The following THSD4 variants were observed in gnomAD, a reference collection of about 807,000 sequenced individuals.
THSD4 encodes the protein thrombospondin type 1 domain containing 4.
Under a neutral mutation model 119.0 loss-of-function variants are expected in THSD4, and 69 were observed. That is an observed-to-expected ratio of 0.58 (90% CI 0.48 to 0.71). THSD4 has a LOEUF of 0.71. THSD4 is among the 30% of genes least tolerant of loss of function. The probability of loss-of-function intolerance (pLI) is 0.00; values close to 1 mark genes in which losing one functional copy is unlikely to be tolerated. For synonymous variants in THSD4, 524 were observed against 540.4 expected, an observed-to-expected ratio of 0.97 and a Z score of 0.42; for missense variants, 1,393 against 1,391.1, an observed-to-expected ratio of 1.00 and a Z score of -0.02.
chr15:71,216,608 A>G lies in THSD4; in HGVS notation c.464+1209A>G, dbSNP rs12324596. 5.1e-3 allele frequency among the ~76,000 whole-genome samples: 771 copies of G among 152,340 alleles called. 7 individuals are homozygous for G. Among genetic ancestry groups the G allele is most frequent in the African/African-American group, 0.018 (738 of 41,582 alleles). On this transcript the variant is annotated intron_variant, in intron 4 of 17. Coordinates refer to ENST00000261862, the MANE Select transcript of THSD4 (RefSeq NM_024817.3). ...TTTGAGTAGACAGAAGAGAGGAGTG[A>G]AGAACAGTGAGTTCCAAGACTGAGC... is the stretch of plus-strand genomic sequence containing the variant.
intron 7 of THSD4, among the ~76,000 whole-genome samples, chr15:71,553,848 G>A (rs550969142): frequency 1.2e-4 from 18 of 152,160 alleles, no homozygotes; most frequent in African/African-American, 4.1e-4. Context: ...ATGTCGGACT[G>A]TCTTTGCATT....
intron 4 of THSD4, among the ~76,000 whole-genome samples, chr15:71,241,673 G>A (rs2044154302): frequency 6.6e-6 from 1 of 152,168 alleles, no homozygotes; most frequent in Non-Finnish European, 1.5e-5. Context: ...CATGATGGAA[G>A]TATTTACACC....
At chr15:71,302,274 G>C (rs2044961317) in intron 6 of THSD4, among the ~76,000 whole-genome samples, 1 of 152,112 alleles carries the variant, frequency 6.6e-6, no homozygotes, top group Admixed American at 6.5e-5. Flanking sequence ...GGTAGGGGTA[G>C]GCAGAGCAAG....
chr15:71,435,254 A>G (rs1240358889), intron 7 of THSD4, among the ~76,000 whole-genome samples: 1 of 152,226 alleles, frequency 6.6e-6, no homozygotes, highest in Non-Finnish European at 1.5e-5. Context: ...GAGAAAGTTC[A>G]GAATCCTAGT....
intron 7 of THSD4, among the ~76,000 whole-genome samples, chr15:71,598,312 G>A (rs2049943406): frequency 6.6e-6 from 1 of 152,196 alleles, no homozygotes; most frequent in Admixed American, 6.5e-5. Flanking sequence ...TTTGACTAGA[G>A]TGGCGACATC....
At chr15:71,157,040 A>G (rs1184752337) in intron 3 of THSD4, among the ~76,000 whole-genome samples, 5 of 152,172 alleles carry the variant, frequency 3.3e-5, no homozygotes, top group African/African-American at 9.7e-5. Context: ...TATATTATTT[A>G]TTAATGTTTA....
intron 10 of THSD4, among the ~76,000 whole-genome samples, chr15:71,734,826 T>TA (rs779818860): frequency 0.013 from 1,814 of 138,662 alleles, 17 homozygotes; most frequent in Non-Finnish European, 0.016. Context: ...AAAAGCCTAT[T>TA]AAAAAAAAAA....
At chr15:71,737,333 C>A (rs2053133572) in intron 10 of THSD4, among the ~76,000 whole-genome samples, 1 of 152,170 alleles carries the variant, frequency 6.6e-6, no homozygotes, top group South Asian at 2.1e-4. Flanking sequence ...TTTTCCTGCA[C>A]CTTCAAAAGG....
chr15:71,267,230 A>T (rs907020544), intron 6 of THSD4, among the ~76,000 whole-genome samples: 1 of 152,240 alleles, frequency 6.6e-6, no homozygotes, highest in African/African-American at 2.4e-5. Flanking sequence ...GGTTACCCAC[A>T]AAGGGAAGCC....
At chr15:71,338,433 G>A (rs189875143) in intron 6 of THSD4, among the ~76,000 whole-genome samples, 3 of 152,210 alleles carry the variant, frequency 2.0e-5, no homozygotes, top group African/African-American at 4.8e-5. Flanking sequence ...TCATACTCGC[G>A]CGTGGATCCT....
intron 5 of THSD4, among the ~76,000 whole-genome samples, chr15:71,244,771 C>G (rs758194823): frequency 2.6e-5 from 4 of 152,146 alleles, no homozygotes; most frequent in Non-Finnish European, 4.4e-5. Flanking sequence ...GTCAGACATG[C>G]CCTTGTTCCT....
At chr15:71,223,269 C>T (rs949247203) in intron 4 of THSD4, among the ~76,000 whole-genome samples, 2 of 152,184 alleles carry the variant, frequency 1.3e-5, no homozygotes, top group African/African-American at 4.8e-5. Flanking sequence ...ACATCATGCT[C>T]CTTTCAGACC....
chr15:71,728,468 A>C, intron 8 of THSD4, 81 bp from the exon 9 acceptor site: 1 of 1,525,454 alleles, frequency 6.6e-7, no homozygotes. Flanking sequence ...TGAATGAAGA[A>C]GCCAGAAACT....
chr15:71,640,045 C>A (rs1431206962), intron 7 of THSD4, among the ~76,000 whole-genome samples: 3 of 151,966 alleles, frequency 2.0e-5, no homozygotes, highest in Admixed American at 2.0e-4. Flanking sequence ...GTATTGGGGG[C>A]TTATTGGAAA....
At chr15:71,166,196 G>T (rs2043293487) in intron 3 of THSD4, among the ~76,000 whole-genome samples, 1 of 152,060 alleles carries the variant, frequency 6.6e-6, no homozygotes, top group Non-Finnish European at 1.5e-5. Flanking sequence ...TTGTGGTCTT[G>T]GTTGTTCCTT....
intron 1 of THSD4, among the ~76,000 whole-genome samples, chr15:71,123,381 C>T (rs2040423957): frequency 6.6e-6 from 1 of 152,188 alleles, no homozygotes; most frequent in Non-Finnish European, 1.5e-5. Flanking sequence ...TCTCTTTAAG[C>T]TTCAGTTTCC....
chr15:71,399,946 C>G (rs1040673158), intron 6 of THSD4, among the ~76,000 whole-genome samples: 9 of 151,922 alleles, frequency 5.9e-5, no homozygotes, highest in African/African-American at 1.9e-4. Context: ...GAAAATTGAG[C>G]CAATGATTTT....
At chr15:71,485,959 A>G (rs534606181) in intron 7 of THSD4, among the ~76,000 whole-genome samples, 10 of 152,244 alleles carry the variant, frequency 6.6e-5, no homozygotes, top group African/African-American at 2.4e-4. Context: ...CCCCCTTTGC[A>G]GTAATTACTT....
intron 8 of THSD4, among the ~76,000 whole-genome samples, chr15:71,681,561 G>A (rs1402316711): frequency 6.6e-6 from 1 of 151,634 alleles, no homozygotes; most frequent in Non-Finnish European, 1.5e-5. Flanking sequence ...TATAATCCCA[G>A]CTACTCGGGA....
Sources: allele counts gnomAD v4.1 joint callset (sites outside exome capture counted in the v4.1 genomes callset), GRCh38; gene constraint gnomAD v4.1.1; transcripts MANE v1.5; gene names NCBI Gene and HGNC (gene_info 2026-07-23, HGNC 2026-07-21).